MMS22L: variants seen among roughly 807,000 people sequenced by gnomAD.
MMS22L encodes the protein MMS22 like, DNA repair protein.
Under a neutral mutation model 159.1 loss-of-function variants are expected in MMS22L, and 74 were observed. The ratio of observed to expected loss-of-function variants is 0.47; its 90% CI spans 0.39 to 0.56. MMS22L has a LOEUF of 0.56. MMS22L is among the 20% of genes least tolerant of loss of function. The pLI, the probability that MMS22L is intolerant of heterozygous loss-of-function variation, is 0.00. For synonymous variants in MMS22L, 517 were observed against 506.9 expected (o/e 1.02, Z -0.27); for missense variants, 1,351 against 1,422.1 (o/e 0.95, Z 0.80).
In MMS22L at chr6:97,263,374, A is replaced by C. The variant is rs1459128469; in HGVS notation, c.903T>G (p.Ile301Met). ...ATTTACTTCTGTGGTCTAGAAGATG[A>C]ATAAGTAGAACCCATAATTCTTTAA... ...LCIKELWVLL[I>M]HLLDHRSKWF... Residue 301 changes from isoleucine (I) to methionine (M), a missense_variant, in exon 9 of 25, where the codon ATT becomes ATG. Transcript: ENST00000683635. 6.3e-7 allele frequency: 1 copy of C among 1,594,306 alleles called. No homozygotes were observed. Among genetic ancestry groups the C allele is most frequent in the South Asian group, 1.2e-5 (1 of 86,900 alleles).
At chr6:97,246,557 G>T in intron 11 of MMS22L, 71 bp downstream of exon 11, 1 of 1,230,112 alleles carries the variant, frequency 8.1e-7, no homozygotes, top group Non-Finnish European at 1.2e-6. Context: ...CAGCTTGCTT[G>T]GTTTTAAAAA....
chr6:97,191,907 C>T (rs527344972), intron 14 of MMS22L, among the ~76,000 whole-genome samples: 1 of 152,148 alleles, frequency 6.6e-6, no homozygotes, highest in Non-Finnish European at 1.5e-5. Context: ...TCCAAAAAAT[C>T]ATCAATCCAA....
chr6:97,200,282 C>A (rs928576050), intron 14 of MMS22L, among the ~76,000 whole-genome samples: 5 of 151,726 alleles, frequency 3.3e-5, no homozygotes, highest in African/African-American at 1.2e-4. Context: ...AGTTTCATAC[C>A]ACATACATTC....
At chr6:97,240,485 C>A (rs1382280708) in intron 11 of MMS22L, among the ~76,000 whole-genome samples, 1 of 152,170 alleles carries the variant, frequency 6.6e-6, no homozygotes, top group Non-Finnish European at 1.5e-5. Context: ...GATGGCTGGT[C>A]ACCTGACCTA....
chr6:97,161,974 G>A (rs199756458), intron 22 of MMS22L, 28 bp downstream of exon 22: 2 of 1,592,230 alleles, frequency 1.3e-6, no homozygotes, highest in Admixed American at 1.9e-5. Context: ...AAAAGAAAAT[G>A]GTAACAAAAA....
At position 97,158,148 on chromosome 6, in the gene MMS22L, G is replaced by A. The variant is rs1802052394; in HGVS notation, c.3385+3854C>T. Among the ~76,000 whole-genome samples, 4 of 152,102 alleles carry A rather than the reference G, an allele frequency of 2.6e-5. No homozygotes were observed. In the South Asian group the frequency reaches 8.3e-4, roughly 31 times the overall value. On this transcript the variant is annotated intron_variant, in intron 22 of 24. Transcript: ENST00000683635. ...CTCTCCGATGGTAGTTTGTATTTCT[G>A]TGGGATCGGTGGTGATAACCCCTTT...
intron 6 of MMS22L, chr6:97,271,327 T>C (rs1179173438): frequency 6.6e-6 from 1 of 152,178 alleles, no homozygotes; most frequent in African/African-American, 2.4e-5. Context: ...TTAAAAAGCC[T>C]ATGAAAGGCA....
rs1409542154 is a variant in MMS22L at position 97,248,041 on chromosome 6, A to G, written c.1120-1351T>C. Among the ~76,000 whole-genome samples the G allele has an allele frequency of 2.0e-5, 3 of 152,212 alleles. No individual in the cohort carries two copies. In the East Asian group the frequency reaches 5.8e-4, roughly 29 times the overall value. On this transcript the variant is annotated intron_variant, in intron 10 of 24. Transcript: ENST00000683635. ...GTCTCCTGGAATTTATGCTTTCTAC[A>G]ATTCCCTCTCACACTGTACGAGGGT...
intron 17 of MMS22L, among the ~76,000 whole-genome samples, chr6:97,179,146 T>C (rs571703838): frequency 6.6e-6 from 1 of 152,194 alleles, no homozygotes; most frequent in African/African-American, 2.4e-5. Flanking sequence ...GAGAAGCAAA[T>C]TTCTGTCCTT....
intron 14 of MMS22L, among the ~76,000 whole-genome samples, chr6:97,196,397 CACAA>C (rs1433745575): frequency 6.6e-6 from 1 of 152,092 alleles, no homozygotes; most frequent in Non-Finnish European, 1.5e-5. Flanking sequence ...TGAAGGGATT[CACAA>C]ACAGTGTGGT....
chr6:97,243,785 G>A (rs998055108), intron 11 of MMS22L, among the ~76,000 whole-genome samples: 1 of 152,106 alleles, frequency 6.6e-6, no homozygotes, highest in East Asian at 1.9e-4. Flanking sequence ...TTGATGTGGT[G>A]TTCTCCCCCT....
chr6:97,263,731 T>C (rs9387203), intron 8 of MMS22L: 66,615 of 194,680 alleles, frequency 0.34, 13,128 homozygotes, highest in East Asian at 0.79. Flanking sequence ...TTTTGTGAGA[T>C]GGAGTCTCGC....
intron 7 of MMS22L, among the ~76,000 whole-genome samples, 166 bp from the exon 8 acceptor site, chr6:97,268,168 T>C (rs1156245590): frequency 1.3e-5 from 2 of 151,414 alleles, no homozygotes; most frequent in African/African-American, 4.8e-5. Flanking sequence ...TGAGCACTGA[T>C]AAACATTATC....
chr6:97,213,801 A>G lies in MMS22L; in HGVS notation c.2039+15093T>C, dbSNP rs1039146753. ...GGCTTAGAGAAATAGTGGGGTACCT[A>G]TACTAACAAGCATAGAAAAAATACT... On this transcript the variant is annotated intron_variant, in intron 14 of 24. Transcript: ENST00000683635. 2.0e-5 allele frequency among the ~76,000 whole-genome samples: 3 copies of G among 152,198 alleles called. 1 individual carries two copies. The highest frequency in any genetic ancestry group is 7.2e-5 in the African/African-American group (3 of 41,458).
chr6:97,270,070 CT>C, intron 6 of MMS22L, 78 bp from the exon 7 acceptor site: 1 of 1,094,536 alleles, frequency 9.1e-7, no homozygotes, highest in Non-Finnish European at 1.4e-6. Flanking sequence ...CACAATACTC[CT>C]CCATAAACAC....
chr6:97,266,918 A>G (rs1018938128), intron 8 of MMS22L: 4 of 152,194 alleles, frequency 2.6e-5, no homozygotes, highest in Non-Finnish European at 5.9e-5. Flanking sequence ...GCTCAACATG[A>G]TGACTACAGT....
At chr6:97,245,655 A>C (rs1349027013) in intron 11 of MMS22L, among the ~76,000 whole-genome samples, 1 of 152,162 alleles carries the variant, frequency 6.6e-6, no homozygotes. Context: ...TAAAAAGATA[A>C]TAGATTTGTT....
rs141217754 is a variant in MMS22L, at chr6:97,229,111, C to G, written c.1822G>C (p.Val608Leu). ...AFREKAKEFL[V>L]SKNEEMVQRQ... ...TGTACCATTTCCTCATTCTTAGACA[C>G]CAAGAATTCCTTTGCTTTCTCCCGG... Residue 608 changes from valine (V) to leucine (L), a missense_variant, in exon 14 of 25, where the codon GTG (valine) becomes CTG (leucine). Physicochemically the swap from Val to Leu is conservative, Grantham distance 32. Transcript: ENST00000683635. 3.6e-5 allele frequency: 58 copies of G among 1,613,998 alleles called. No individual in the cohort carries two copies. The African/African-American group carries it at 7.5e-4, about 21-fold the overall frequency.
In MMS22L at chr6:97,254,645, G is replaced by A; in HGVS notation, c.1031C>T (p.Ser344Phe). Reference protein sequence around the residue: ...RRRSSMPVIQSRDPLGFSWWI... With the variant: ...RRRSSMPVIQFRDPLGFSWWI... ...CCAACTAAAACCTAATGGATCCCTG[G>A]ACTGGATTACAGGCATAGAGGATCT... The change falls in exon 10 of 25, where the codon TCC (serine) becomes TTC (phenylalanine). Residue 344 changes from serine to phenylalanine, a missense_variant. Transcript: ENST00000683635. 1 of 1,613,436 alleles carries A rather than the reference G, an allele frequency of 6.2e-7. No homozygotes were observed. Among genetic ancestry groups the A allele is most frequent in the Non-Finnish European group, 8.5e-7 (1 of 1,179,642 alleles).
Sources: allele counts gnomAD v4.1 joint callset (sites outside exome capture counted in the v4.1 genomes callset), GRCh38; gene constraint gnomAD v4.1.1; transcripts MANE v1.5; gene names NCBI Gene and HGNC (gene_info 2026-07-23, HGNC 2026-07-21).